Variants in GOPC observed in about 807,000 individuals in gnomAD.
The protein encoded by GOPC is Golgi-associated PDZ and coiled-coil motif-containing protein.
A neutral mutation model predicts 51.2 loss-of-function variants in GOPC; 32 were observed. The observed-to-expected ratio is 0.63, with a 90% CI of 0.47 to 0.84. The LOEUF (loss-of-function observed/expected upper bound fraction) is 0.84. Among genes scored for constraint, GOPC ranks in the 40% least tolerant of loss-of-function variants. GOPC has a pLI of 0.00. For synonymous variants in GOPC, 190 were observed against 205.1 expected, an observed-to-expected ratio of 0.93 and a Z score of 0.63; for missense variants, 441 against 555.5, an observed-to-expected ratio of 0.79 and a Z score of 2.07.
rs1227566276 is a variant in GOPC, at chr6:117,562,710, T to C, written c.*544A>G. 9.7e-6 allele frequency: 2 copies of C among 206,958 alleles called. No homozygotes were observed. Among genetic ancestry groups the C allele is most frequent in the Non-Finnish European group, 2.0e-5 (2 of 101,260 alleles). The allele number at this position is 206,958 out of a possible 1,614,324, so 12.8% of individuals were successfully genotyped here. On this transcript the variant is annotated 3_prime_UTR_variant, in exon 9 of 9. Coordinates refer to ENST00000368498, the MANE Select transcript of GOPC (RefSeq NM_020399.4). ...ACTCATTACAATAAATGATCATTAATAATTGGTTTAGATTTTAGGATGCAC... is the reference window on the plus strand; with the variant it reads ...ACTCATTACAATAAATGATCATTAACAATTGGTTTAGATTTTAGGATGCAC...
In GOPC at chr6:117,600,749, T is replaced by C. The variant is rs148056598; in HGVS notation, c.285+1255A>G. The stretch of plus-strand genomic sequence containing the variant: ...GAGAAAAATAGCTTTCTTGTGGAAA[T>C]TACTACCAATAAAGAAATCAAGAGA... On this transcript the variant is annotated intron_variant, in intron 1 of 8. Transcript: ENST00000368498. Among the ~76,000 whole-genome samples, 732 of 152,298 alleles carry C rather than the reference T, an allele frequency of 4.8e-3. 10 individuals carry two copies. The highest frequency in any genetic ancestry group is 0.017 in the African/African-American group (708 of 41,562).
intron 1 of GOPC, among the ~76,000 whole-genome samples, chr6:117,586,259 T>A (rs1049912595): frequency 8.5e-5 from 13 of 152,108 alleles, no homozygotes; most frequent in Middle Eastern, 3.4e-3. Context: ...AAAAATCATA[T>A]AGAGATGGCA....
chr6:117,568,046 A>AC (rs1779734013), intron 7 of GOPC, among the ~76,000 whole-genome samples: 1 of 150,970 alleles, frequency 6.6e-6, no homozygotes, highest in African/African-American at 2.4e-5. Context: ...AAAAAAAAAA[A>AC]AAATTAGCTG....
chr6:117,576,402 A>G (rs746309935), intron 3 of GOPC, among the ~76,000 whole-genome samples: 38 of 152,190 alleles, frequency 2.5e-4, no homozygotes, highest in Non-Finnish European at 5.0e-4. Flanking sequence ...TTAAACTCTT[A>G]TTTCAGAACC....
intron 1 of GOPC, among the ~76,000 whole-genome samples, chr6:117,590,795 C>G (rs11153677): frequency 6.6e-6 from 1 of 152,106 alleles, no homozygotes; most frequent in Admixed American, 6.6e-5. Flanking sequence ...CAGGGAATAA[C>G]TAGATCAAAA....
intron 2 of GOPC, among the ~76,000 whole-genome samples, chr6:117,577,853 CAG>C (rs1432386558): frequency 1.3e-5 from 2 of 152,006 alleles, no homozygotes; most frequent in Non-Finnish European, 2.9e-5. Context: ...CACAGATTCA[CAG>C]AGTTAGAAAA....
chr6:117,602,137 A>C lies in GOPC; in HGVS notation c.152T>G (p.Leu51Arg). 1 of 1,614,002 alleles carries C rather than the reference A, an allele frequency of 6.2e-7. No individual in the cohort carries two copies. Among genetic ancestry groups the C allele is most frequent in the Non-Finnish European group, 8.5e-7 (1 of 1,180,000 alleles). ...FDKAFVDVDL[L>R]LGEIDPDQAD... ...TTGGTCTGGATCGATCTCTCCCAGGAGCAGATCCACATCCACAAAAGCTTT... is the reference window on the plus strand; with the variant it reads ...TTGGTCTGGATCGATCTCTCCCAGGCGCAGATCCACATCCACAAAAGCTTT... The change falls in exon 1 of 9, where the codon CTC (leucine) becomes CGC (arginine). Residue 51 changes from leucine (L) to arginine (R), a missense_variant. By Grantham distance (102) the Leu-to-Arg change is moderately radical. Coordinates refer to ENST00000368498, the MANE Select transcript of GOPC (RefSeq NM_020399.4).
intron 1 of GOPC, among the ~76,000 whole-genome samples, chr6:117,591,043 G>A (rs1460908569): frequency 6.6e-6 from 1 of 152,088 alleles, no homozygotes; most frequent in Non-Finnish European, 1.5e-5. Context: ...GTAGAGATGG[G>A]GTTTCCCCAT....
chr6:117,589,655 T>C lies in GOPC; in HGVS notation c.286-10591A>G, dbSNP rs532058359. On this transcript the variant is annotated intron_variant, in intron 1 of 8. Coordinates refer to ENST00000368498, the MANE Select transcript of GOPC (RefSeq NM_020399.4). ...TTTTTTAAAAGGCAGCTATGTGTAA[T>C]ATGAGAGACAACATGAATGAACTGA... is the stretch of plus-strand genomic sequence containing the variant. Among the ~76,000 whole-genome samples, 8 of 152,194 alleles carry C rather than the reference T, an allele frequency of 5.3e-5. No homozygotes were observed. The South Asian group carries it at 1.5e-3, about 28-fold the overall frequency.
intron 2 of GOPC, 30 bp downstream of exon 2, chr6:117,578,870 C>G (rs373728600): frequency 4.7e-6 from 7 of 1,504,240 alleles, no homozygotes; most frequent in Non-Finnish European, 5.4e-6. Context: ...AAAATACATG[C>G]AAGGGCATGT....
chr6:117,596,150 T>C (rs1780194307), intron 1 of GOPC, among the ~76,000 whole-genome samples: 2 of 152,148 alleles, frequency 1.3e-5, no homozygotes, highest in African/African-American at 2.4e-5. Flanking sequence ...TGATCATTAG[T>C]GTTGTTGAGC....
At chr6:117,592,364 C>CAA in intron 1 of GOPC, among the ~76,000 whole-genome samples, 1 of 144,382 alleles carries the variant, frequency 6.9e-6, no homozygotes, top group South Asian at 2.2e-4. Flanking sequence ...GAGACTCTGT[C>CAA]AAAAAAAAAA....
intron 1 of GOPC, among the ~76,000 whole-genome samples, chr6:117,587,519 TTA>T (rs932667977): frequency 6.7e-6 from 1 of 150,142 alleles, no homozygotes; most frequent in African/African-American, 2.4e-5. Context: ...ATAAATAAAT[TTA>T]TATATATATA....
chr6:117,566,884 C>G lies in GOPC; in HGVS notation c.1228G>C (p.Asp410His), dbSNP rs1779708005. 1 of 1,589,440 alleles carries G rather than the reference C, an allele frequency of 6.3e-7. No individual in the cohort carries two copies. The highest frequency in any genetic ancestry group is 1.3e-5 in the African/African-American group (1 of 74,214). Residue 410 changes from aspartate to histidine, a missense_variant, in exon 8 of 9, where the codon GAC (aspartate) becomes CAC (histidine). By Grantham distance (81) the Asp-to-His change is moderately conservative. This residue lies in a region of GOPC where 71 missense variants were observed against 68.8 expected (regional missense o/e 1.03). Coordinates refer to ENST00000368498, the MANE Select transcript of GOPC (RefSeq NM_020399.4). Reference sequence around the variant, plus strand: ...AATACTTTGATTTCCCCACTTGTGTCTTTGCAACTAGCACCAGGGTTACCA... The same window carrying G: ...AATACTTTGATTTCCCCACTTGTGTGTTTGCAACTAGCACCAGGGTTACCA... ...GGGNPGASCK[D>H]TSGEIKVLQG...
chr6:117,600,532 A>T (rs1562150666), intron 1 of GOPC, among the ~76,000 whole-genome samples: 1 of 152,232 alleles, frequency 6.6e-6, no homozygotes, highest in Non-Finnish European at 1.5e-5. Flanking sequence ...GGCCAGGCAC[A>T]GTAGCTCATG....
At chr6:117,597,732 T>C (rs1314933546) in intron 1 of GOPC, among the ~76,000 whole-genome samples, 2 of 152,204 alleles carry the variant, frequency 1.3e-5, no homozygotes, top group Non-Finnish European at 2.9e-5. Context: ...AGATGTAATC[T>C]ATGTTCTCAA....
At chr6:117,585,369 T>C (rs1780015329) in intron 1 of GOPC, among the ~76,000 whole-genome samples, 1 of 152,176 alleles carries the variant, frequency 6.6e-6, no homozygotes, top group Non-Finnish European at 1.5e-5. Flanking sequence ...AAGCCTCATG[T>C]TTTGAAGGAG....
chr6:117,562,271 G>C lies in GOPC; in HGVS notation c.*983C>G, dbSNP rs565329343. 9.7e-6 allele frequency: 2 copies of C among 206,394 alleles called. No individual in the cohort carries two copies. The highest frequency in any genetic ancestry group is 3.8e-4 in the South Asian group (2 of 5,292). 12.8% of individuals were successfully genotyped at this position (206,394 alleles called of 1,614,324 possible). ...TTTATCTCATCTTGCCCACCTTTTA[G>C]ATGACTGGAAATCATTTACTTAGAA... On this transcript the variant is annotated 3_prime_UTR_variant, in exon 9 of 9. Transcript: ENST00000368498.
intron 4 of GOPC, among the ~76,000 whole-genome samples, 184 bp downstream of exon 4, chr6:117,574,993 C>T (rs534905434): frequency 3.9e-5 from 6 of 152,154 alleles, no homozygotes; most frequent in African/African-American, 1.2e-4. Context: ...GTAGGAGAAT[C>T]GCTTGAACCC....
Sources: allele counts gnomAD v4.1 joint callset (sites outside exome capture counted in the v4.1 genomes callset), GRCh38; gene constraint gnomAD v4.1.1; regional missense constraint gnomAD v4.1.1; transcripts MANE v1.5; gene names NCBI Gene and HGNC (gene_info 2026-07-23, HGNC 2026-07-21).